The following CCDC178 variants were observed in gnomAD, a reference collection of about 807,000 sequenced individuals.
CCDC178 encodes the protein coiled-coil domain containing 178, also known as coiled-coil domain-containing protein 178.
Under a neutral mutation model 117.4 loss-of-function variants are expected in CCDC178, and 126 were observed. The ratio of observed to expected loss-of-function variants is 1.07; its 90% confidence interval spans 0.93 to 1.24. The LOEUF (loss-of-function observed/expected upper bound fraction) is 1.24. Among genes scored for constraint, CCDC178 ranks in the 50% most tolerant of loss-of-function variants. CCDC178 has a pLI of 0.00. For missense variants in CCDC178, 1,030 were observed against 986.9 expected (o/e 1.04, Z -0.59); for synonymous variants, 283 against 313.4 (o/e 0.90, Z 1.02).
At chr18:33,366,527 T>C (rs933267012) in intron 6 of CCDC178, among the ~76,000 whole-genome samples, 3 of 152,034 alleles carry the variant, frequency 2.0e-5, no homozygotes, top group Admixed American at 6.6e-5. Context: ...CAACTCAAAA[T>C]AAGAATTTTG....
intron 21 of CCDC178, among the ~76,000 whole-genome samples, chr18:33,075,539 CCTA>C: frequency 6.6e-6 from 1 of 151,930 alleles, no homozygotes; most frequent in Non-Finnish European, 1.5e-5. Flanking sequence ...AATATATATA[CCTA>C]CTATGTAACT....
intron 5 of CCDC178, among the ~76,000 whole-genome samples, chr18:33,387,117 T>C (rs973308824): frequency 9.2e-5 from 14 of 151,622 alleles, no homozygotes; most frequent in East Asian, 5.8e-4. Context: ...CCATTTACAA[T>C]TGCCACAAAA....
intron 3 of CCDC178, among the ~76,000 whole-genome samples, chr18:33,404,051 A>G (rs898461305): frequency 3.3e-5 from 5 of 152,142 alleles, no homozygotes; most frequent in African/African-American, 1.2e-4. Flanking sequence ...GAGACTAACC[A>G]ATGGAAAGAG....
chr18:33,046,017 A>G (rs9958634), intron 21 of CCDC178, among the ~76,000 whole-genome samples: 21,700 of 152,240 alleles, frequency 0.14, 2,396 homozygotes, highest in African/African-American at 0.31. Context: ...GGAGTGAGCC[A>G]AGATCGTGCC....
intron 2 of CCDC178, among the ~76,000 whole-genome samples, chr18:33,424,374 C>T (rs1307355471): frequency 4.6e-5 from 7 of 152,166 alleles, no homozygotes; most frequent in Non-Finnish European, 2.9e-5. Context: ...CACTTAATGT[C>T]ATAGTGTAAG....
chr18:33,094,203 A>G (rs889655211), intron 20 of CCDC178, among the ~76,000 whole-genome samples: 1 of 152,060 alleles, frequency 6.6e-6, no homozygotes, highest in African/African-American at 2.4e-5. Context: ...CCAACTGAGA[A>G]TCATTTTAAA....
At chr18:33,086,425 T>TACACACAC (rs574137969) in intron 21 of CCDC178, among the ~76,000 whole-genome samples, 6 of 147,936 alleles carry the variant, frequency 4.1e-5, no homozygotes, top group African/African-American at 9.9e-5. Flanking sequence ...TAAATATATA[T>TACACACAC]ACACACACAC....
chr18:33,036,494 T>C (rs1474391442), intron 21 of CCDC178, among the ~76,000 whole-genome samples: 1 of 151,772 alleles, frequency 6.6e-6, no homozygotes, highest in Non-Finnish European at 1.5e-5. Context: ...GAGAAAGCTC[T>C]AGGGAAAGCT....
At chr18:33,114,014 C>A (rs561037442) in intron 20 of CCDC178, among the ~76,000 whole-genome samples, 29 of 151,942 alleles carry the variant, frequency 1.9e-4, no homozygotes, top group South Asian at 1.5e-3. Context: ...GTAGTTTACA[C>A]AGGAAAAAAG....
chr18:33,223,349 T>C (rs271427), intron 17 of CCDC178, 130 bp from the exon 18 acceptor site: 112,334 of 1,063,110 alleles, frequency 0.11, 7,816 homozygotes, highest in African/African-American at 0.32. Flanking sequence ...GAAAGAACCA[T>C]CACACATAAA....
At chr18:33,069,043 A>G (rs908097387) in intron 21 of CCDC178, among the ~76,000 whole-genome samples, 15 of 152,108 alleles carry the variant, frequency 9.9e-5, no homozygotes, top group African/African-American at 2.9e-4. Flanking sequence ...CTAATAATGA[A>G]GTGACAGAAA....
chr18:33,123,591 T>A (rs1395054211), intron 20 of CCDC178, among the ~76,000 whole-genome samples: 1 of 152,160 alleles, frequency 6.6e-6, no homozygotes, highest in Admixed American at 6.6e-5. Context: ...AAGAACATTT[T>A]ATCACAAATC....
chr18:32,994,553 T>C (rs1354525702), intron 21 of CCDC178, among the ~76,000 whole-genome samples: 2 of 152,194 alleles, frequency 1.3e-5, no homozygotes, highest in African/African-American at 4.8e-5. Context: ...CAGTTTTAAG[T>C]AATGAAATTC....
rs1054329608 is a variant in CCDC178 at position 33,287,566 on chromosome 18, G to A, written c.1176+5593C>T. ...GGTCGAGGTGGGTGGATCACCTGAGGTCAGGAGTTCAAGACCAGTCTGGCC... is the reference window on the plus strand; with the variant it reads ...GGTCGAGGTGGGTGGATCACCTGAGATCAGGAGTTCAAGACCAGTCTGGCC... On this transcript the variant is annotated intron_variant, in intron 12 of 22. Coordinates refer to ENST00000383096, the MANE Select transcript of CCDC178 (RefSeq NM_001105528.4). Among the ~76,000 whole-genome samples the A allele has an allele frequency of 3.3e-5, 5 of 151,970 alleles. No homozygotes were observed. In the South Asian group the frequency reaches 6.2e-4, roughly 19 times the overall value.
At chr18:33,410,691 C>T (rs1253470872) in intron 3 of CCDC178, among the ~76,000 whole-genome samples, 1 of 152,136 alleles carries the variant, frequency 6.6e-6, no homozygotes, top group African/African-American at 2.4e-5. Flanking sequence ...TTTCTCCTCC[C>T]CGTATTCACT....
At chr18:33,376,827 C>T (rs1211470427) in intron 5 of CCDC178, among the ~76,000 whole-genome samples, 3 of 152,092 alleles carry the variant, frequency 2.0e-5, no homozygotes, top group Non-Finnish European at 4.4e-5. Context: ...GTATATGCAC[C>T]ACATTTTCTT....
At chr18:33,401,643 G>A (rs2063710971) in intron 3 of CCDC178, among the ~76,000 whole-genome samples, 1 of 151,764 alleles carries the variant, frequency 6.6e-6, no homozygotes, top group South Asian at 2.1e-4. Context: ...AAATTAACAT[G>A]ATATATAACA....
At position 33,345,984 on chromosome 18, in the gene CCDC178, C is replaced by T. The variant is rs573281343; in HGVS notation, c.658+227G>A. Among the ~76,000 whole-genome samples, 5 of 152,152 alleles carry T rather than the reference C, an allele frequency of 3.3e-5. No individual in the cohort carries two copies. The East Asian group carries it at 7.8e-4, about 24-fold the overall frequency. ...TTGAGACTACAGGCGAGCACCACCA[C>T]GCCTGGCTAATTTTCGTATTTTTTG... On this transcript the variant is annotated intron_variant, in intron 9 of 22. Coordinates refer to ENST00000383096, the MANE Select transcript of CCDC178 (RefSeq NM_001105528.4).
At chr18:33,022,193 T>C (rs900819798) in intron 21 of CCDC178, among the ~76,000 whole-genome samples, 1 of 152,158 alleles carries the variant, frequency 6.6e-6, no homozygotes, top group African/African-American at 2.4e-5. Context: ...TCTTTTCCCA[T>C]TCTTTTGTGT....
Sources: allele counts gnomAD v4.1 joint callset (sites outside exome capture counted in the v4.1 genomes callset), GRCh38; gene constraint gnomAD v4.1.1; transcripts MANE v1.5; gene names NCBI Gene and HGNC (gene_info 2026-07-23, HGNC 2026-07-21).